The following CSMD1 variants were observed in gnomAD, a reference collection of about 807,000 sequenced individuals.
The protein encoded by CSMD1 is CUB and Sushi multiple domains 1.
A neutral mutation model predicts 417.5 loss-of-function variants in CSMD1; 213 were observed. The ratio of observed to expected loss-of-function variants is 0.51; its 90% CI spans 0.46 to 0.57. The LOEUF (loss-of-function observed/expected upper bound fraction) is 0.57, where lower values mean the gene tolerates loss of function less well. Among genes scored for constraint, CSMD1 ranks in the 20% least tolerant of loss-of-function variants. CSMD1 has a pLI of 0.00. For synonymous variants in CSMD1, 2,862 were observed against 1,736.8 expected, an observed-to-expected ratio of 1.65 and a Z score of -16.11; for missense variants, 6,923 against 4,529.7, an observed-to-expected ratio of 1.53 and a Z score of -15.17.
intron 1 of CSMD1, among the ~76,000 whole-genome samples, chr8:4,835,513 C>A (rs796304480): frequency 6.6e-6 from 1 of 152,120 alleles, no homozygotes; most frequent in Non-Finnish European, 1.5e-5. Flanking sequence ...CAATGAGGTA[C>A]GCAAATCCAG....
intron 5 of CSMD1, among the ~76,000 whole-genome samples, chr8:3,762,877 C>A (rs1254080542): frequency 2.0e-5 from 3 of 152,220 alleles, no homozygotes; most frequent in African/African-American, 7.2e-5. Context: ...TGTGAGGAAG[C>A]TGCTGATGAG....
chr8:3,015,530 G>A (rs139154085), intron 52 of CSMD1, among the ~76,000 whole-genome samples: 2 of 151,750 alleles, frequency 1.3e-5, no homozygotes, highest in African/African-American at 4.8e-5. Context: ...CTTCTGAATA[G>A]TACTTATGAA....
chr8:3,411,783 TGTATATATACAC>T (rs1205222768), intron 12 of CSMD1, among the ~76,000 whole-genome samples: 2,764 of 119,700 alleles, frequency 0.023, 344 homozygotes, highest in East Asian at 0.19. Context: ...TGTATATACC[TGTATATATACAC>T]GTATATATAC....
At chr8:3,295,622 C>T (rs1173599176) in intron 25 of CSMD1, among the ~76,000 whole-genome samples, 3 of 152,178 alleles carry the variant, frequency 2.0e-5, no homozygotes, top group East Asian at 3.8e-4. Flanking sequence ...CTTTCTAGGC[C>T]AGCATGATAA....
intron 26 of CSMD1, among the ~76,000 whole-genome samples, chr8:3,277,772 T>C (rs1802415738): frequency 6.6e-6 from 1 of 152,118 alleles, no homozygotes; most frequent in African/African-American, 2.4e-5. Flanking sequence ...TGGCTGGTGT[T>C]TCCTTAGGAG....
At chr8:4,961,171 T>C (rs1809456896) in intron 1 of CSMD1, among the ~76,000 whole-genome samples, 1 of 152,220 alleles carries the variant, frequency 6.6e-6, no homozygotes, top group Non-Finnish European at 1.5e-5. Flanking sequence ...TTTCCTGTAA[T>C]TGATACATCT....
intron 6 of CSMD1, among the ~76,000 whole-genome samples, chr8:3,739,498 A>C (rs529576071): frequency 1.3e-5 from 2 of 152,216 alleles, no homozygotes; most frequent in Non-Finnish European, 1.5e-5. Context: ...GTTTCAAAAT[A>C]TCTCTCTGTA....
chr8:3,293,611 G>A (rs1803742760), intron 25 of CSMD1, among the ~76,000 whole-genome samples: 1 of 152,092 alleles, frequency 6.6e-6, no homozygotes. Context: ...TCTTCCTGTT[G>A]ATTGTATTGG....
chr8:4,128,834 G>A (rs966879034), intron 3 of CSMD1, among the ~76,000 whole-genome samples: 1 of 152,072 alleles, frequency 6.6e-6, no homozygotes, highest in Non-Finnish European at 1.5e-5. Context: ...CGGGATTCAT[G>A]TCATTATTGG....
chr8:3,143,387 C>A (rs1013545694), intron 40 of CSMD1, among the ~76,000 whole-genome samples: 2 of 152,180 alleles, frequency 1.3e-5, no homozygotes, highest in Non-Finnish European at 2.9e-5. Context: ...TTAAATCTAA[C>A]AGCCTGGCAC....
chr8:4,089,959 A>C (rs984356897), intron 3 of CSMD1, among the ~76,000 whole-genome samples: 14 of 152,168 alleles, frequency 9.2e-5, no homozygotes, highest in African/African-American at 3.4e-4. Context: ...TACGTTGCTG[A>C]CTTTCAGATA....
intron 3 of CSMD1, among the ~76,000 whole-genome samples, chr8:4,296,602 A>G (rs1040122441): frequency 2.4e-5 from 2 of 82,858 alleles, no homozygotes; most frequent in East Asian, 3.6e-4. Flanking sequence ...CATTTACTTC[A>G]TATTTTATAA....
intron 5 of CSMD1, among the ~76,000 whole-genome samples, chr8:3,757,427 A>C (rs1032353682): frequency 6.6e-6 from 1 of 152,062 alleles, no homozygotes; most frequent in African/African-American, 2.4e-5. Flanking sequence ...TTTTTATACA[A>C]TTTTTTTGTG....
intron 8 of CSMD1, among the ~76,000 whole-genome samples, chr8:3,610,605 C>CA (rs1427415287): frequency 6.6e-6 from 1 of 152,146 alleles, no homozygotes; most frequent in African/African-American, 2.4e-5. Flanking sequence ...GATCACTACA[C>CA]AATCCTAAGC....
chr8:4,994,231 G>T, intron 1 of CSMD1, 101 bp downstream of exon 1: 3 of 1,012,820 alleles, frequency 3.0e-6, no homozygotes, highest in Non-Finnish European at 4.4e-6. Flanking sequence ...GGCAGAGGCG[G>T]CCACTCCGTA....
intron 2 of CSMD1, among the ~76,000 whole-genome samples, chr8:4,527,292 C>A (rs1796564747): frequency 6.6e-6 from 1 of 152,122 alleles, no homozygotes; most frequent in Admixed American, 6.5e-5. Flanking sequence ...CAGGAATGAG[C>A]TGTGTAGCTG....
chr8:3,219,394 T>C lies in CSMD1; in HGVS notation c.4533A>G (p.Glu1511=), dbSNP rs778485304. ...SYDFLHIYEG[E]DSNSPLIGSY... ...TCCCAATGAGGGGGCTGTTGGAATC[T>C]TCCCCTTCATAGATGTGTAGGAAGT... is the stretch of plus-strand genomic sequence containing the variant. The change falls in exon 29 of 70, where the codon GAA becomes GAG. Residue 1511 remains glutamate (E), a synonymous_variant. Coordinates refer to ENST00000635120, the MANE Select transcript of CSMD1 (RefSeq NM_033225.6). The C allele has an allele frequency of 1.9e-6, 3 of 1,562,608 alleles. No individual in the cohort carries two copies. Among genetic ancestry groups the C allele is most frequent in the South Asian group, 2.4e-5 (2 of 84,328 alleles).
chr8:4,738,169 T>A (rs920008098), intron 1 of CSMD1, among the ~76,000 whole-genome samples: 2 of 152,228 alleles, frequency 1.3e-5, no homozygotes, highest in Admixed American at 1.3e-4. Context: ...GGTTAGTTTA[T>A]TTGGTTTGAT....
intron 7 of CSMD1, among the ~76,000 whole-genome samples, chr8:3,661,251 C>A (rs545921850): frequency 6.6e-6 from 1 of 152,288 alleles, no homozygotes; most frequent in African/African-American, 2.4e-5. Flanking sequence ...TCAGCCTTGG[C>A]CAGTCCCAGC....
Sources: allele counts gnomAD v4.1 joint callset (sites outside exome capture counted in the v4.1 genomes callset), GRCh38; gene constraint gnomAD v4.1.1; transcripts MANE v1.5; gene names NCBI Gene and HGNC (gene_info 2026-07-23, HGNC 2026-07-21).